Variants in ADAMTSL1 observed in about 807,000 individuals in gnomAD.
The protein encoded by ADAMTSL1 is ADAMTS-like protein 1.
In ADAMTSL1, 126 loss-of-function variants were observed where a neutral mutation model predicts 201.8. The ratio of observed to expected loss-of-function variants is 0.62; its 90% CI spans 0.54 to 0.72. The LOEUF (loss-of-function observed/expected upper bound fraction) is 0.72. Ranked by LOEUF, ADAMTSL1 falls within the 30% of genes least tolerant of loss-of-function variation. The probability of loss-of-function intolerance (pLI) is 0.00; values close to 1 mark genes in which losing one functional copy is unlikely to be tolerated. For synonymous variants in ADAMTSL1, 1,121 were observed against 903.4 expected (o/e 1.24, Z -4.32); for missense variants, 2,679 against 2,277.8 (o/e 1.18, Z -3.59).
At chr9:18,607,176 G>A (rs2132577729) in intron 4 of ADAMTSL1, among the ~76,000 whole-genome samples, 1 of 152,282 alleles carries the variant, frequency 6.6e-6, no homozygotes, top group Admixed American at 6.5e-5. Flanking sequence ...AGTAAGAAAT[G>A]TGTTCATCTC....
rs1485088788 is a variant in ADAMTSL1, at chr9:18,826,432, G to A, written c.4083G>A (p.Glu1361=). 1 of 1,613,738 alleles carries A rather than the reference G, an allele frequency of 6.2e-7. No individual in the cohort carries two copies. The highest frequency in any genetic ancestry group is 8.5e-7 in the Non-Finnish European group (1 of 1,179,828). ...GCAGGGCGGCCAATCTTCATGGAGA[G>A]CTGACTGAGAGCACCCAGCTGCTGA... is the stretch of plus-strand genomic sequence containing the variant. ...YSCRAANLHG[E]LTESTQLLIL... is the part of the protein sequence containing the mutation. Residue 1361 remains glutamate, a synonymous_variant, in exon 22 of 29, where the codon GAG becomes GAA. Coordinates refer to ENST00000380548, the MANE Select transcript of ADAMTSL1 (RefSeq NM_001040272.6).
intron 2 of ADAMTSL1, among the ~76,000 whole-genome samples, chr9:18,181,505 A>C (rs1030648798): frequency 6.6e-6 from 1 of 151,750 alleles, no homozygotes; most frequent in African/African-American, 2.4e-5. Flanking sequence ...TCAAAAGAAG[A>C]CATTTATGCA....
chr9:18,723,382 G>A (rs921978793), intron 15 of ADAMTSL1: 7 of 424,860 alleles, frequency 1.6e-5, no homozygotes, highest in Non-Finnish European at 2.6e-5. Flanking sequence ...AGGCAGTGCC[G>A]AGGAGTCAGT....
rs114885275 is a variant in ADAMTSL1, at chr9:18,621,239, C to T, written c.475-1004C>T. ...ATAGTTTGGATTTGAATTTCTAAGACTCAGATATTAGAAAGTAAAGAGGAA... is the reference window on the plus strand; with the variant it reads ...ATAGTTTGGATTTGAATTTCTAAGATTCAGATATTAGAAAGTAAAGAGGAA... On this transcript the variant is annotated intron_variant, in intron 4 of 28. Coordinates refer to ENST00000380548, the MANE Select transcript of ADAMTSL1 (RefSeq NM_001040272.6). Among the ~76,000 whole-genome samples the T allele has an allele frequency of 2.5e-3, 376 of 152,232 alleles. 1 individual carries two copies. Among genetic ancestry groups the T allele is most frequent in the African/African-American group, 8.7e-3 (361 of 41,538 alleles).
rs142050987 is a variant in ADAMTSL1, at chr9:18,616,926, T to A, written c.475-5317T>A. 3.9e-3 allele frequency among the ~76,000 whole-genome samples: 598 copies of A among 152,318 alleles called. 2 individuals carry two copies. Among genetic ancestry groups the A allele is most frequent in the African/African-American group, 0.014 (567 of 41,576 alleles). ...GCACTCCCTCCCCTATTTATTAAAA[T>A]AATTAGTAAATAAAGGATAATCCAT... On this transcript the variant is annotated intron_variant, in intron 4 of 28. Transcript: ENST00000380548.
At chr9:17,925,135 C>T (rs1285412931) in intron 1 of ADAMTSL1, among the ~76,000 whole-genome samples, 2 of 100,262 alleles carry the variant, frequency 2.0e-5, no homozygotes, top group Non-Finnish European at 4.3e-5. Flanking sequence ...CAGAGAAATG[C>T]AAATCAAAAC....
chr9:18,090,673 G>A (rs1245923166), intron 1 of ADAMTSL1, among the ~76,000 whole-genome samples: 2 of 152,038 alleles, frequency 1.3e-5, no homozygotes, highest in South Asian at 2.1e-4. Context: ...GCTGCATGGC[G>A]GCAATGGTTA....
At chr9:18,123,672 A>G (rs1201952932) in intron 1 of ADAMTSL1, among the ~76,000 whole-genome samples, 1 of 152,334 alleles carries the variant, frequency 6.6e-6, no homozygotes, top group South Asian at 2.1e-4. Context: ...GAATTTTAGT[A>G]AATTTACAGA....
chr9:18,554,179 C>T (rs1382437196), intron 3 of ADAMTSL1, among the ~76,000 whole-genome samples: 1 of 150,608 alleles, frequency 6.6e-6, no homozygotes, highest in East Asian at 1.9e-4. Context: ...TTTTTTAAAT[C>T]TACATGATGA....
chr9:18,880,239 TC>T (rs1307628764), intron 23 of ADAMTSL1, among the ~76,000 whole-genome samples: 18 of 152,144 alleles, frequency 1.2e-4, no homozygotes, highest in Non-Finnish European at 7.4e-5. Context: ...TATTTTGACC[TC>T]CTCCCATGAA....
chr9:18,209,960 A>T (rs1829800983), intron 2 of ADAMTSL1, among the ~76,000 whole-genome samples: 1 of 152,170 alleles, frequency 6.6e-6, no homozygotes, highest in African/African-American at 2.4e-5. Context: ...TGCATGGAAT[A>T]AGCACATTAT....
intron 1 of ADAMTSL1, among the ~76,000 whole-genome samples, chr9:17,914,823 G>A: frequency 6.6e-6 from 1 of 152,082 alleles, no homozygotes; most frequent in East Asian, 1.9e-4. Flanking sequence ...CTTCAGCAAA[G>A]TCTCAGGATA....
intron 2 of ADAMTSL1, among the ~76,000 whole-genome samples, chr9:18,448,080 GAA>G (rs1820267103): frequency 6.6e-6 from 1 of 151,982 alleles, no homozygotes; most frequent in Non-Finnish European, 1.5e-5. Context: ...GAAAACAAGA[GAA>G]AACAAAAATC....
intron 20 of ADAMTSL1, chr9:18,796,566 C>G (rs922348931): frequency 6.6e-6 from 1 of 152,230 alleles, no homozygotes; most frequent in East Asian, 1.9e-4. Flanking sequence ...ATGCTACCCC[C>G]TTGCATATCT....
chr9:18,800,377 CAAAA>C (rs58346548), intron 20 of ADAMTSL1, among the ~76,000 whole-genome samples: 9 of 60,656 alleles, frequency 1.5e-4, no homozygotes, highest in African/African-American at 2.6e-4. Context: ...AACTCCATCT[CAAAA>C]AAAAAAAAAA....
intron 7 of ADAMTSL1, chr9:18,651,011 A>G (rs1012196491): frequency 3.9e-5 from 6 of 152,208 alleles, no homozygotes; most frequent in African/African-American, 1.4e-4. Context: ...AAACACTTAA[A>G]CTTTCAGTCA....
chr9:18,403,112 T>A (rs1818048274), intron 2 of ADAMTSL1, among the ~76,000 whole-genome samples: 1 of 152,126 alleles, frequency 6.6e-6, no homozygotes, highest in Non-Finnish European at 1.5e-5. Context: ...TTAAGATCAG[T>A]CTAAGCGCTG....
intron 3 of ADAMTSL1, among the ~76,000 whole-genome samples, chr9:18,539,858 G>T (rs1277373581): frequency 6.6e-6 from 1 of 152,084 alleles, no homozygotes; most frequent in Non-Finnish European, 1.5e-5. Context: ...ATATTAAGTT[G>T]CTTGGACCTA....
chr9:18,539,288 TGGG>T (rs1260942473), intron 3 of ADAMTSL1, among the ~76,000 whole-genome samples: 2 of 152,132 alleles, frequency 1.3e-5, no homozygotes, highest in Non-Finnish European at 2.9e-5. Flanking sequence ...AGCCTGCCCT[TGGG>T]GGAAGTCAGA....
Sources: allele counts gnomAD v4.1 joint callset (sites outside exome capture counted in the v4.1 genomes callset), GRCh38; gene constraint gnomAD v4.1.1; transcripts MANE v1.5; gene names NCBI Gene and HGNC (gene_info 2026-07-23, HGNC 2026-07-21).